PTPRG: variants seen among roughly 807,000 people sequenced by gnomAD.
PTPRG encodes the protein receptor-type tyrosine-protein phosphatase gamma.
Under a neutral mutation model 165.3 loss-of-function variants are expected in PTPRG, and 102 were observed. The observed-to-expected ratio is 0.62, with a 90% CI of 0.53 to 0.73. The LOEUF is 0.73. Among genes scored for constraint, PTPRG ranks in the 30% least tolerant of loss-of-function variants. PTPRG has a pLI of 0.00. For synonymous variants in PTPRG, 675 were observed against 669.5 expected, an observed-to-expected ratio of 1.01 and a Z score of -0.13; for missense variants, 1,866 against 1,861.4, an observed-to-expected ratio of 1.00 and a Z score of -0.05.
At chr3:61,972,118 CAT>C (rs1307192327) in intron 2 of PTPRG, among the ~76,000 whole-genome samples, 1 of 152,232 alleles carries the variant, frequency 6.6e-6, no homozygotes, top group African/African-American at 2.4e-5. Context: ...AGACGGTTTA[CAT>C]ATGTGTGGCA....
chr3:62,183,825 G>A (rs1220949822), intron 8 of PTPRG, among the ~76,000 whole-genome samples: 1 of 152,210 alleles, frequency 6.6e-6, no homozygotes, highest in East Asian at 1.9e-4. Flanking sequence ...GGATGGGGAA[G>A]GATGAAGGAG....
chr3:61,955,874 G>A (rs988810277), intron 2 of PTPRG, among the ~76,000 whole-genome samples: 2 of 151,992 alleles, frequency 1.3e-5, no homozygotes, highest in Admixed American at 1.3e-4. Flanking sequence ...AAAATACTTT[G>A]TTTCATAGCA....
chr3:61,590,486 T>C (rs904646552), intron 1 of PTPRG, among the ~76,000 whole-genome samples: 1 of 152,058 alleles, frequency 6.6e-6, no homozygotes, highest in African/African-American at 2.4e-5. Context: ...ATCGTGCCAC[T>C]GCACTCCAGC....
At chr3:61,693,804 G>A (rs2106669905) in intron 1 of PTPRG, among the ~76,000 whole-genome samples, 1 of 152,116 alleles carries the variant, frequency 6.6e-6, no homozygotes, top group South Asian at 2.1e-4. Flanking sequence ...TCAGGAGTTC[G>A]AGACCATCCT....
chr3:62,226,877 T>C (rs993127786), intron 13 of PTPRG, among the ~76,000 whole-genome samples: 3 of 152,232 alleles, frequency 2.0e-5, no homozygotes, highest in Non-Finnish European at 4.4e-5. Flanking sequence ...GTCCCATCTT[T>C]AGATTTTCAG....
intron 2 of PTPRG, among the ~76,000 whole-genome samples, chr3:61,967,884 A>G (rs990348213): frequency 3.9e-5 from 6 of 152,238 alleles, no homozygotes; most frequent in African/African-American, 1.4e-4. Context: ...TGTATACACA[A>G]CTGACTTCTA....
intron 1 of PTPRG, among the ~76,000 whole-genome samples, chr3:61,724,674 T>A (rs1056218664): frequency 1.3e-5 from 2 of 152,134 alleles, no homozygotes; most frequent in Non-Finnish European, 2.9e-5. Flanking sequence ...TATTTTTTTA[T>A]TTTAGCGATT....
Position 62,236,146 on chromosome 3 carries a change from G to A in PTPRG, c.2375+4835G>A, listed in dbSNP as rs78393174. ...TGCCATAAAAGAAACTTAACAGCAAGTGAGTTGTTGTATATGAAAAATCTC... is the reference window on the plus strand; with the variant it reads ...TGCCATAAAAGAAACTTAACAGCAAATGAGTTGTTGTATATGAAAAATCTC... On this transcript the variant is annotated intron_variant, in intron 14 of 29. Transcript: ENST00000474889. Among the ~76,000 whole-genome samples the A allele has an allele frequency of 6.0e-3, 918 of 152,322 alleles. 4 individuals carry two copies. Among genetic ancestry groups the A allele is most frequent in the Non-Finnish European group, 8.4e-3 (572 of 68,038 alleles).
At chr3:61,986,647 C>G (rs1028015201) in intron 2 of PTPRG, among the ~76,000 whole-genome samples, 4 of 152,154 alleles carry the variant, frequency 2.6e-5, no homozygotes, top group Non-Finnish European at 5.9e-5. Context: ...CCTGTGTTTT[C>G]TACCCCGCCC....
intron 2 of PTPRG, among the ~76,000 whole-genome samples, chr3:61,801,395 A>ACCTCTAGGGCTCAAGTAAT (rs2035237406): frequency 6.6e-6 from 1 of 151,264 alleles, no homozygotes; most frequent in Non-Finnish European, 1.5e-5. Flanking sequence ...TGCAGCCTCA[A>ACCTCTAGGGCTCAAGTAAT]CCTCTAGGGC....
At position 62,095,233 on chromosome 3, in the gene PTPRG, C is replaced by T. The variant is rs115168420; in HGVS notation, c.615+16975C>T. Among the ~76,000 whole-genome samples, 385 of 152,290 alleles carry T rather than the reference C, an allele frequency of 2.5e-3. 1 individual carries two copies. Among genetic ancestry groups the T allele is most frequent in the African/African-American group, 8.4e-3 (350 of 41,552 alleles). The stretch of plus-strand genomic sequence containing the variant: ...GTCTTGGTGTCAGAGGGGACTCTTA[C>T]GCCGTGATGCTATCAGTTACAGAGA... On this transcript the variant is annotated intron_variant, in intron 5 of 29. Coordinates refer to ENST00000474889, the MANE Select transcript of PTPRG (RefSeq NM_002841.4).
intron 6 of PTPRG, among the ~76,000 whole-genome samples, chr3:62,139,203 A>G (rs1429529100): frequency 1.3e-5 from 2 of 151,952 alleles, no homozygotes; most frequent in Non-Finnish European, 2.9e-5. Context: ...AGTGGCTCAC[A>G]CTTGTAATCC....
At chr3:61,628,701 G>A (rs1365223806) in intron 1 of PTPRG, among the ~76,000 whole-genome samples, 1 of 152,154 alleles carries the variant, frequency 6.6e-6, no homozygotes, top group Non-Finnish European at 1.5e-5. Flanking sequence ...AAAAGGTGTG[G>A]TTAAGGTGAA....
chr3:61,920,479 T>G (rs988049223), intron 2 of PTPRG, among the ~76,000 whole-genome samples: 2 of 152,196 alleles, frequency 1.3e-5, no homozygotes, highest in African/African-American at 4.8e-5. Context: ...CACTGCAAAC[T>G]CCACCTCCCG....
chr3:62,024,871 G>T (rs146925919), intron 4 of PTPRG, among the ~76,000 whole-genome samples: 1 of 152,134 alleles, frequency 6.6e-6, no homozygotes, highest in South Asian at 2.1e-4. Context: ...TTCGACATGC[G>T]ATTTTCCAAT....
intron 5 of PTPRG, among the ~76,000 whole-genome samples, chr3:62,081,274 A>G (rs1325922258): frequency 6.6e-6 from 1 of 151,102 alleles, no homozygotes; most frequent in Non-Finnish European, 1.5e-5. Context: ...ACAAACAAAC[A>G]AACAAACAAA....
intron 1 of PTPRG, among the ~76,000 whole-genome samples, chr3:61,682,382 A>T (rs6445236): frequency 0.98 from 149,483 of 152,290 alleles, 73,428 homozygotes; most frequent in Non-Finnish European, 1. Flanking sequence ...TTGAGGAATA[A>T]ATATGTGCAT....
chr3:61,671,077 C>A (rs1385947814), intron 1 of PTPRG, among the ~76,000 whole-genome samples: 1 of 151,048 alleles, frequency 6.6e-6, no homozygotes, highest in Non-Finnish European at 1.5e-5. Flanking sequence ...TCTTCGGCAT[C>A]TCTCGGGGAA....
intron 5 of PTPRG, among the ~76,000 whole-genome samples, chr3:62,107,548 C>T (rs1406116618): frequency 6.6e-6 from 1 of 152,196 alleles, no homozygotes; most frequent in Non-Finnish European, 1.5e-5. Context: ...GTTAAGACCC[C>T]TCTGGAGATT....
Sources: gnomAD v4.1 joint callset for allele counts (sites outside exome capture counted in the v4.1 genomes callset) on GRCh38, gnomAD v4.1.1 for gene constraint, MANE v1.5 for transcripts, NCBI Gene and HGNC (gene_info 2026-07-23, HGNC 2026-07-21) for gene names.